TTLL11: variants seen among roughly 807,000 people sequenced by gnomAD.
The protein encoded by TTLL11 is tubulin tyrosine ligase like 11, also known as tubulin polyglutamylase TTLL11.
TTLL11 carries 42 observed loss-of-function variants against 51.7 expected under a neutral mutation model. The observed-to-expected ratio is 0.81, with a 90% confidence interval of 0.64 to 1.05. The LOEUF is 1.05. Ranked by LOEUF, TTLL11 falls within the 50% of genes least tolerant of loss-of-function variation. TTLL11 has a pLI of 0.00. For synonymous variants in TTLL11, 381 were observed against 383.5 expected (o/e 0.99, Z 0.08); for missense variants, 799 against 940.4 (o/e 0.85, Z 1.97).
chr9:121,892,393 G>A (rs1273153332), intron 6 of TTLL11, among the ~76,000 whole-genome samples: 3 of 151,952 alleles, frequency 2.0e-5, no homozygotes, highest in Admixed American at 6.6e-5. Context: ...CAATCATGGC[G>A]GAAGGCAAAA....
intron 8 of TTLL11, among the ~76,000 whole-genome samples, chr9:121,828,727 C>T (rs1836902611): frequency 1.3e-5 from 2 of 152,038 alleles, no homozygotes; most frequent in South Asian, 4.2e-4. Context: ...CAATAAAACC[C>T]TTGGGACCTG....
At chr9:121,826,531 G>GTGTATATATATATATA (rs1564260513) in intron 8 of TTLL11, among the ~76,000 whole-genome samples, 9 of 39,728 alleles carry the variant, frequency 2.3e-4, no homozygotes, top group Non-Finnish European at 3.3e-4. Flanking sequence ...ATATATATGT[G>GTGTATATATATATATA]TGTGTGTATA....
intron 3 of TTLL11, among the ~76,000 whole-genome samples, chr9:122,005,312 C>T (rs1223645338): frequency 1.3e-5 from 2 of 152,224 alleles, no homozygotes; most frequent in South Asian, 2.1e-4. Flanking sequence ...CAACTCAAGG[C>T]CCAATTAGTG....
At position 121,942,743 on chromosome 9, in the gene TTLL11, T is replaced by A. The variant is rs1484722104; in HGVS notation, c.1481+31266A>T. Among the ~76,000 whole-genome samples the A allele has an allele frequency of 9.0e-3, 1,109 of 122,722 alleles. 11 individuals are homozygous for A. Among genetic ancestry groups the A allele is most frequent in the African/African-American group, 0.043 (1,067 of 24,728 alleles). 80.5% of individuals were successfully genotyped at this position (122,722 alleles called of 152,430 possible). On this transcript the variant is annotated intron_variant, in intron 6 of 8. Transcript: ENST00000321582. ...TCACGTTTCTAATCTGTCTTATTTT[T>A]TTTTTTTTTTTTTTTTTTGCCTGAA...
intron 1 of TTLL11, among the ~76,000 whole-genome samples, chr9:122,052,752 G>A (rs1426852761): frequency 6.6e-6 from 1 of 152,150 alleles, no homozygotes; most frequent in Non-Finnish European, 1.5e-5. Context: ...GAGTCTTCAT[G>A]GGTAGGCACG....
chr9:121,829,727 A>G (rs1049554964), intron 8 of TTLL11, among the ~76,000 whole-genome samples: 23 of 150,620 alleles, frequency 1.5e-4, no homozygotes, highest in African/African-American at 5.4e-4. Context: ...TCTTTTCTGA[A>G]TTTTCCAAAT....
At chr9:122,032,603 G>C (rs981771519) in intron 2 of TTLL11, among the ~76,000 whole-genome samples, 9 of 148,788 alleles carry the variant, frequency 6.0e-5, no homozygotes, top group Non-Finnish European at 1.3e-4. Context: ...AGCCAAGATC[G>C]AGCCACTGCA....
intron 2 of TTLL11, among the ~76,000 whole-genome samples, chr9:122,038,514 T>C (rs1844761049): frequency 6.6e-6 from 1 of 152,058 alleles, no homozygotes; most frequent in South Asian, 2.1e-4. Context: ...CCGGGTATGG[T>C]GGTACAGGCC....
intron 8 of TTLL11, among the ~76,000 whole-genome samples, chr9:121,828,590 T>A (rs965157214): frequency 1.3e-5 from 2 of 152,220 alleles, no homozygotes; most frequent in African/African-American, 4.8e-5. Flanking sequence ...TTTTGCCTTC[T>A]ATGCCATTTC....
Position 121,874,756 on chromosome 9 carries a change from A to ATTT in TTLL11, c.1482-4011_1482-4009dup, listed in dbSNP as rs35998915. 7.0e-3 allele frequency among the ~76,000 whole-genome samples: 963 copies of ATTT among 137,588 alleles called. 15 individuals are homozygous for ATTT. Among genetic ancestry groups the ATTT allele is most frequent in the African/African-American group, 0.02 (757 of 37,152 alleles). 90.3% of individuals were successfully genotyped at this position (137,588 alleles called of 152,430 possible). Reference sequence around the variant, plus strand: ...TGATGTGCTCCCTCTCAGAGGCATAATTTTTTTTTTTTTTTTTTGAGACAG... The same window carrying ATTT: ...TGATGTGCTCCCTCTCAGAGGCATAATTTTTTTTTTTTTTTTTTTTTGAGACAG... On this transcript the variant is annotated intron_variant, in intron 6 of 8. Transcript: ENST00000321582.
intron 6 of TTLL11, among the ~76,000 whole-genome samples, chr9:121,947,164 C>T (rs1285631328): frequency 6.6e-6 from 1 of 152,112 alleles, no homozygotes; most frequent in Non-Finnish European, 1.5e-5. Flanking sequence ...TCAAGCTGTC[C>T]ATAAATATTC....
At chr9:121,836,222 T>C (rs764891527) in intron 8 of TTLL11, among the ~76,000 whole-genome samples, 57 of 152,268 alleles carry the variant, frequency 3.7e-4, no homozygotes, top group Non-Finnish European at 5.9e-4. Flanking sequence ...GTGTGTTAGT[T>C]GGGTGTGGGC....
chr9:122,039,886 T>TCTCTCA (rs1355809615), intron 1 of TTLL11, among the ~76,000 whole-genome samples: 23 of 147,884 alleles, frequency 1.6e-4, no homozygotes, highest in African/African-American at 5.8e-4. Context: ...TCTCTCTCTC[T>TCTCTCA]CACACACACA....
chr9:121,902,140 T>C (rs1219953692), intron 6 of TTLL11, among the ~76,000 whole-genome samples: 1 of 152,170 alleles, frequency 6.6e-6, no homozygotes, highest in Non-Finnish European at 1.5e-5. Flanking sequence ...GCAATCAAGA[T>C]GAAAATAAAA....
chr9:121,995,169 G>A lies in TTLL11; in HGVS notation c.694-5399C>T, dbSNP rs1428336763. Among the ~76,000 whole-genome samples, 3 of 152,196 alleles carry A rather than the reference G, an allele frequency of 2.0e-5. No homozygotes were observed. The highest frequency in any genetic ancestry group is 4.4e-5 in the Non-Finnish European group (3 of 68,040). On this transcript the variant is annotated intron_variant, in intron 3 of 8. Coordinates refer to ENST00000321582, the MANE Select transcript of TTLL11 (RefSeq NM_001139442.2). The surrounding 1 kb of genome is among the most constrained non-coding windows in gnomAD (Gnocchi z 4.4). ...CAAGGATGGCCAAGGCCCTCGCAAT[G>A]GGCCAGATTATCCAGAGACAGGATA... is the stretch of plus-strand genomic sequence containing the variant.
chr9:121,877,864 A>G (rs1225682538), intron 6 of TTLL11, among the ~76,000 whole-genome samples: 1 of 152,202 alleles, frequency 6.6e-6, no homozygotes, highest in East Asian at 1.9e-4. Context: ...GTTTCTAACC[A>G]CTGCATCATG....
chr9:122,015,992 T>C (rs1344760812), intron 3 of TTLL11, among the ~76,000 whole-genome samples: 1 of 151,998 alleles, frequency 6.6e-6, no homozygotes, highest in African/African-American at 2.4e-5. Context: ...GGAGAGGTAA[T>C]TAAACAGGTA....
At chr9:121,970,554 T>C (rs1842519928) in intron 6 of TTLL11, among the ~76,000 whole-genome samples, 1 of 152,160 alleles carries the variant, frequency 6.6e-6, no homozygotes, top group South Asian at 2.1e-4. Context: ...GAACAGACAC[T>C]TCTCAAAAGA....
intron 6 of TTLL11, among the ~76,000 whole-genome samples, chr9:121,966,579 A>G (rs1842405067): frequency 6.6e-6 from 1 of 152,226 alleles, no homozygotes; most frequent in African/African-American, 2.4e-5. Flanking sequence ...TTTTAAAAAG[A>G]AAGACTTAGG....
Sources: gnomAD v4.1 joint callset for allele counts (sites outside exome capture counted in the v4.1 genomes callset) on GRCh38, gnomAD v4.1.1 for gene constraint, Gnocchi (gnomAD v3.1) non-coding constraint, MANE v1.5 for transcripts, NCBI Gene and HGNC (gene_info 2026-07-23, HGNC 2026-07-21) for gene names.